YIF1B: variants seen among roughly 807,000 people sequenced by gnomAD.
YIF1B encodes the protein protein YIF1B.
YIF1B carries 24 observed loss-of-function variants against 34.6 expected under a neutral mutation model. The ratio of observed to expected loss-of-function variants is 0.69; its 90% CI spans 0.50 to 0.98. YIF1B has a LOEUF of 0.98. Ranked by LOEUF, YIF1B falls within the 50% of genes least tolerant of loss-of-function variation. The pLI, the probability that YIF1B is intolerant of heterozygous loss-of-function variation, is 0.00. For synonymous variants in YIF1B, 186 were observed against 184.8 expected (o/e 1.01, Z -0.05); for missense variants, 368 against 429.4 (o/e 0.86, Z 1.26).
intron 1 of YIF1B, among the ~76,000 whole-genome samples, chr19:38,314,466 T>C (rs1047936403): frequency 6.6e-6 from 1 of 151,744 alleles, no homozygotes. Context: ...ATCCTGGGAT[T>C]ATAGGTGTGA....
intron 1 of YIF1B, chr19:38,315,459 A>G: frequency 7.3e-7 from 1 of 1,362,354 alleles, no homozygotes; most frequent in East Asian, 3.0e-5. Context: ...GGCCAACAGC[A>G]CAATACAGGT....
chr19:38,317,742 C>T (rs1255508273), upstream of YIF1B, among the ~76,000 whole-genome samples: 2 of 151,812 alleles, frequency 1.3e-5, no homozygotes, highest in Non-Finnish European at 2.9e-5. Context: ...TCGCACCTGG[C>T]TAATTTTTTG....
chr19:38,316,400 A>C (rs1433069701), upstream of YIF1B, among the ~76,000 whole-genome samples: 1 of 152,052 alleles, frequency 6.6e-6, no homozygotes, highest in African/African-American at 2.4e-5. Flanking sequence ...TAACGCCTGT[A>C]ATCTCAGCAC....
chr19:38,305,527 A>AGG lies in YIF1B; in HGVS notation c.790-22_790-21dup. ...CCGGATCTGGGTGGGAAAGAGAGAG[A>AGG]GGAACCAAGGGATTTACCCTTGAGC... On this transcript the variant is annotated intron_variant, in intron 7 of 7. Transcript: ENST00000339413. 1 of 1,589,824 alleles carries AGG rather than the reference A, an allele frequency of 6.3e-7. No individual in the cohort carries two copies. The highest frequency in any genetic ancestry group is 8.6e-7 in the Non-Finnish European group (1 of 1,162,250).
In YIF1B at chr19:38,305,118, T is replaced by G; in HGVS notation, c.*234A>C. ...GGCCAAGGAGAGGCTGTCCACGCCA[T>G]GCCCATCAGGGTTTATTGTTTCTGT... is the stretch of plus-strand genomic sequence containing the variant. On this transcript the variant is annotated 3_prime_UTR_variant, in exon 8 of 8. Transcript: ENST00000339413. The G allele has an allele frequency of 6.9e-7, 1 of 1,443,244 alleles. No individual in the cohort carries two copies. The highest frequency in any genetic ancestry group is 9.2e-7 in the Non-Finnish European group (1 of 1,082,518). 89.4% of individuals were successfully genotyped at this position (1,443,244 alleles called of 1,614,324 possible). A position where few individuals can be genotyped will look rare whatever the true frequency, so the allele number is the denominator to read the frequency against.
Position 38,304,972 on chromosome 19 carries a change from T to G in YIF1B, c.*380A>C, listed in dbSNP as rs756563479. On this transcript the variant is annotated 3_prime_UTR_variant, in exon 8 of 8. Coordinates refer to ENST00000339413, the MANE Select transcript of YIF1B (RefSeq NM_001039672.3). ...AAGGAGGCTCCCCACTGAAGGGCCC[T>G]GGACAGGGCTCATTAAACCTTCCTC... 2.5e-6 allele frequency: 4 copies of G among 1,583,090 alleles called. No individual in the cohort carries two copies. The highest frequency in any genetic ancestry group is 3.4e-6 in the Non-Finnish European group (4 of 1,167,164).
Position 38,304,069 on chromosome 19 carries a change from C to A in YIF1B, c.*1283G>T. 1.4e-6 allele frequency: 1 copy of A among 690,168 alleles called. No individual in the cohort carries two copies. The highest frequency in any genetic ancestry group is 2.8e-5 in the East Asian group (1 of 36,356). The allele number at this position is 690,168 out of a possible 1,614,324, so 42.8% of individuals were successfully genotyped here. On this transcript the variant is annotated 3_prime_UTR_variant, in exon 8 of 8. Coordinates refer to ENST00000339413, the MANE Select transcript of YIF1B (RefSeq NM_001039672.3). ...AGGCTGGCGGAAGCAGTCACCTGTC[C>A]ATCTCCCCCACTTCTCACAGAGGAA... is the stretch of plus-strand genomic sequence containing the variant.
upstream of YIF1B, among the ~76,000 whole-genome samples, chr19:38,316,419 G>A (rs1424358811): frequency 6.6e-6 from 1 of 151,994 alleles, no homozygotes; most frequent in Non-Finnish European, 1.5e-5. Flanking sequence ...ACTTTGGAAG[G>A]CTGAGGATCG....
chr19:38,317,439 G>A (rs956514140), upstream of YIF1B, among the ~76,000 whole-genome samples: 21 of 152,160 alleles, frequency 1.4e-4, no homozygotes, highest in Non-Finnish European at 2.4e-4. Flanking sequence ...TTTTGTGAGC[G>A]AAATGCCCGC....
chr19:38,317,566 T>C (rs1037960366), upstream of YIF1B, among the ~76,000 whole-genome samples: 1 of 152,080 alleles, frequency 6.6e-6, no homozygotes, highest in African/African-American at 2.4e-5. Flanking sequence ...TAAATGTTTT[T>C]TTTTTTCTTA....
At position 38,304,645 on chromosome 19, in the gene YIF1B, G is replaced by A; in HGVS notation, c.*707C>T. ...CCAGCAAGGACACCACAGCTCTTCC[G>A]ACTCCAGCAGCAGCTCCAGCGATTC... On this transcript the variant is annotated 3_prime_UTR_variant, in exon 8 of 8. Coordinates refer to ENST00000339413, the MANE Select transcript of YIF1B (RefSeq NM_001039672.3). 3.7e-6 allele frequency: 6 copies of A among 1,613,558 alleles called. No homozygotes were observed. Among genetic ancestry groups the A allele is most frequent in the East Asian group, 2.2e-5 (1 of 44,852 alleles).
chr19:38,307,376 A>T lies in YIF1B; in HGVS notation c.789+52T>A, dbSNP rs375247020. ...TGACATCCTCTGCTTGGATGCCTGG[A>T]TGCCTCCGGGGCACCTGTGCCTCAG... On this transcript the variant is annotated intron_variant, in intron 7 of 7. Coordinates refer to ENST00000339413, the MANE Select transcript of YIF1B (RefSeq NM_001039672.3). 239 of 1,586,146 alleles carry T rather than the reference A, an allele frequency of 1.5e-4. 3 individuals carry two copies. In the African/African-American group the frequency reaches 3.0e-3, roughly 20 times the overall value.
At chr19:38,308,889 A>C in intron 4 of YIF1B, 40 bp from the exon 5 acceptor site, 2 of 1,613,766 alleles carry the variant, frequency 1.2e-6, no homozygotes, top group Non-Finnish European at 1.7e-6. Context: ...CACCAGAGGA[A>C]GAACTGCCCT....
chr19:38,315,046 G>T (rs998011662), intron 1 of YIF1B, among the ~76,000 whole-genome samples: 4 of 151,794 alleles, frequency 2.6e-5, no homozygotes, highest in Non-Finnish European at 5.9e-5. Context: ...ATCACCTGAG[G>T]TCGGGAGTTT....
upstream of YIF1B, among the ~76,000 whole-genome samples, chr19:38,321,867 A>G (rs944375631): frequency 7.2e-5 from 11 of 152,240 alleles, no homozygotes; most frequent in African/African-American, 2.4e-4. Context: ...CATCCCTGGC[A>G]GGGCAGATGA....
intron 1 of YIF1B, among the ~76,000 whole-genome samples, chr19:38,314,920 T>C (rs1042467602): frequency 6.6e-6 from 1 of 151,930 alleles, no homozygotes; most frequent in African/African-American, 2.4e-5. Context: ...GCCTGCCCTC[T>C]CACTACAAAT....
Position 38,305,522 on chromosome 19 carries a change from G to C in YIF1B, c.790-15C>G, listed in dbSNP as rs774301131. On this transcript the variant is annotated splice_polypyrimidine_tract_variant and intron_variant, in intron 7 of 7. Transcript: ENST00000339413. ...AGCGTCCGGATCTGGGTGGGAAAGAGAGAGAGGAACCAAGGGATTTACCCT... is the reference window on the plus strand; with the variant it reads ...AGCGTCCGGATCTGGGTGGGAAAGACAGAGAGGAACCAAGGGATTTACCCT... 2 of 1,592,650 alleles carry C rather than the reference G, an allele frequency of 1.3e-6. No individual in the cohort carries two copies. Among genetic ancestry groups the C allele is most frequent in the Non-Finnish European group, 1.7e-6 (2 of 1,164,212 alleles).
rs1479768015 is a variant in YIF1B, at chr19:38,315,850, G to A, written c.58+10C>T. ...CCCCGCCCGCCCGATCTCCTCCGCC[G>A]GCCACGTACGCCACTTACGCAGCCG... is the stretch of plus-strand genomic sequence containing the variant. On this transcript the variant is annotated intron_variant, in intron 1 of 7. Coordinates refer to ENST00000339413, the MANE Select transcript of YIF1B (RefSeq NM_001039672.3). 3 of 1,446,914 alleles carry A rather than the reference G, an allele frequency of 2.1e-6. No individual in the cohort carries two copies. The highest frequency in any genetic ancestry group is 2.7e-6 in the Non-Finnish European group (3 of 1,102,202). 89.6% of individuals were successfully genotyped at this position (1,446,914 alleles called of 1,614,324 possible).
chr19:38,305,261 T>A lies in YIF1B; in HGVS notation c.*91A>T, dbSNP rs1242629390. 6.6e-7 allele frequency: 1 copy of A among 1,505,724 alleles called. No individual in the cohort carries two copies. Among genetic ancestry groups the A allele is most frequent in the Non-Finnish European group, 8.9e-7 (1 of 1,125,344 alleles). The allele number at this position is 1,505,724 out of a possible 1,614,324, so 93.3% of individuals were successfully genotyped here. On this transcript the variant is annotated 3_prime_UTR_variant, in exon 8 of 8. Coordinates refer to ENST00000339413, the MANE Select transcript of YIF1B (RefSeq NM_001039672.3). The stretch of plus-strand genomic sequence containing the variant: ...AGGCGGTGCCTGTGGCCAGACAGGG[T>A]GGACCTTGGGGCCTGCAGGCAGGAG...
Sources: allele counts gnomAD v4.1 joint callset (sites outside exome capture counted in the v4.1 genomes callset), GRCh38; gene constraint gnomAD v4.1.1; transcripts MANE v1.5; gene names NCBI Gene and HGNC (gene_info 2026-07-23, HGNC 2026-07-21).